The following SHFL variants were observed in gnomAD, a reference collection of about 807,000 sequenced individuals.
SHFL encodes the protein shiftless antiviral inhibitor of ribosomal frameshifting.
SHFL carries 12 observed loss-of-function variants against 34.7 expected under a neutral mutation model. The ratio of observed to expected loss-of-function variants is 0.35; its 90% CI spans 0.22 to 0.56. The LOEUF is 0.56. SHFL is among the 20% of genes least tolerant of loss of function. The probability of loss-of-function intolerance (pLI) is 0.88; values close to 1 mark genes in which losing one functional copy is unlikely to be tolerated. For synonymous variants in SHFL, 148 were observed against 156.0 expected, an observed-to-expected ratio of 0.95 and a Z score of 0.38; for missense variants, 278 against 411.1, an observed-to-expected ratio of 0.68 and a Z score of 2.80.
At chr19:10,088,624 A>C (rs2088329661) in intron 3 of SHFL, among the ~76,000 whole-genome samples, 1 of 151,608 alleles carries the variant, frequency 6.6e-6, no homozygotes, top group Non-Finnish European at 1.5e-5. Context: ...CATAGTCTAC[A>C]TTTATACATA....
rs374604374 is a variant in SHFL, at chr19:10,092,316, C to T, written c.*14C>T. On this transcript the variant is annotated 3_prime_UTR_variant, in exon 8 of 8. Transcript: ENST00000253110. ...CCCAGGGAGTGACCCCTGCCAGGTGCAGATACAAACCAGACACGGTCTGTG... is the reference window on the plus strand; with the variant it reads ...CCCAGGGAGTGACCCCTGCCAGGTGTAGATACAAACCAGACACGGTCTGTG... 2 of 1,561,520 alleles carry T rather than the reference C, an allele frequency of 1.3e-6. No homozygotes were observed. The highest frequency in any genetic ancestry group is 1.2e-5 in the South Asian group (1 of 85,964).
Position 10,092,702 on chromosome 19 carries a change from G to C in SHFL, c.*400G>C. On this transcript the variant is annotated 3_prime_UTR_variant, in exon 8 of 8. Transcript: ENST00000253110. ...TAGCGGCTTCGGTAGTGGCCGCCGT[G>C]GTGCCACACACCGTTGAGGTTGGAG... is the stretch of plus-strand genomic sequence containing the variant. 1 of 1,613,970 alleles carries C rather than the reference G, an allele frequency of 6.2e-7. No individual in the cohort carries two copies. The highest frequency in any genetic ancestry group is 8.5e-7 in the Non-Finnish European group (1 of 1,179,908).
In SHFL at chr19:10,092,522, G is replaced by T. The variant is rs2088413495; in HGVS notation, c.*220G>T. The stretch of plus-strand genomic sequence containing the variant: ...TGGCACTGAGCCACAAAGAAGGTGT[G>T]GCCAGAACAACTTGGGCTCCTGCTG... On this transcript the variant is annotated 3_prime_UTR_variant, in exon 8 of 8. Transcript: ENST00000253110. 6.5e-7 allele frequency: 1 copy of T among 1,541,352 alleles called. No individual in the cohort carries two copies. Among genetic ancestry groups the T allele is most frequent in the South Asian group, 1.2e-5 (1 of 80,286 alleles).
In SHFL at chr19:10,091,095, GTCAATA is replaced by G. The variant is rs1207541967; in HGVS notation, c.385-151_385-146del. ...CTGTGGTGTAAATATTCCCACCATG[GTCAATA>G]TCAGGCTACCCACGTGAAGTCACTG... On this transcript the variant is annotated intron_variant, in intron 5 of 7. Coordinates refer to ENST00000253110, the MANE Select transcript of SHFL (RefSeq NM_018381.4). The surrounding 1 kb of genome is among the most constrained non-coding windows in gnomAD (Gnocchi z 8.2). Among the ~76,000 whole-genome samples the G allele has an allele frequency of 6.6e-6, 1 of 152,250 alleles. No individual in the cohort carries two copies. Among genetic ancestry groups the G allele is most frequent in the East Asian group, 1.9e-4 (1 of 5,188 alleles).
intron 3 of SHFL, chr19:10,089,004 T>G: frequency 3.9e-6 from 1 of 257,384 alleles, no homozygotes; most frequent in Non-Finnish European, 7.5e-6. Flanking sequence ...TAGCAGAGAG[T>G]AGCATTCATT....
At chr19:10,089,065 C>G (rs1302172767) in intron 3 of SHFL, 1 of 516,868 alleles carries the variant, frequency 1.9e-6, no homozygotes, top group Admixed American at 3.7e-5. Context: ...TTCATCACTG[C>G]AGTGACCCCA....
chr19:10,087,196 G>C (rs2088302586), intron 2 of SHFL, 55 bp from the exon 3 acceptor site: 1 of 1,610,004 alleles, frequency 6.2e-7, no homozygotes, highest in South Asian at 1.1e-5. Context: ...TGGGTGGCCT[G>C]GAACTCCCAC....
At chr19:10,089,770 G>C in intron 4 of SHFL, 75 bp downstream of exon 4, 1 of 1,557,964 alleles carries the variant, frequency 6.4e-7, no homozygotes, top group South Asian at 1.2e-5. Flanking sequence ...ATGTCCATTA[G>C]GGCAGGAGGG....
chr19:10,092,008 C>G (rs2088400259), intron 7 of SHFL, 62 bp from the exon 8 acceptor site: 2 of 1,606,270 alleles, frequency 1.2e-6, no homozygotes, highest in Admixed American at 1.7e-5. Flanking sequence ...GCCTAAGTCC[C>G]CTCCTCCCCA....
intron 3 of SHFL, among the ~76,000 whole-genome samples, chr19:10,088,414 A>C (rs1280889704): frequency 6.6e-6 from 1 of 150,820 alleles, no homozygotes; most frequent in Non-Finnish European, 1.5e-5. Context: ...AATACGAAAA[A>C]AAAAATTAGC....
chr19:10,091,726 G>A lies in SHFL; in HGVS notation c.643+96G>A. On this transcript the variant is annotated intron_variant, in intron 7 of 7. Coordinates refer to ENST00000253110, the MANE Select transcript of SHFL (RefSeq NM_018381.4). This position sits in a 1 kb window ranked among gnomAD's most constrained non-coding sequence, Gnocchi z 8.2. ...CACTCAGTCCACTTTGTCTCCCACA[G>A]CAGCAGCCACTGCTTCCACATGGCC... The A allele has an allele frequency of 7.0e-7, 1 of 1,429,620 alleles. No individual in the cohort carries two copies. Among genetic ancestry groups the A allele is most frequent in the East Asian group, 2.5e-5 (1 of 39,540 alleles). The allele number at this position is 1,429,620 out of a possible 1,614,324, so 88.6% of individuals were successfully genotyped here.
At position 10,086,521 on chromosome 19, in the gene SHFL, G is replaced by A. The variant is rs1226956110; in HGVS notation, c.21+73G>A. 4 of 1,293,944 alleles carry A rather than the reference G, an allele frequency of 3.1e-6. No homozygotes were observed. The highest frequency in any genetic ancestry group is 4.0e-6 in the Non-Finnish European group (4 of 1,006,360). 80.2% of individuals were successfully genotyped at this position (1,293,944 alleles called of 1,614,324 possible). A position where few individuals can be genotyped will look rare whatever the true frequency, so the allele number is the denominator to read the frequency against. ...AGGAGCGGCCGGGAGGCGCGGAGGGGGCTTCGCAGTTCCTGGGGACCCCCA... is the reference window on the plus strand; with the variant it reads ...AGGAGCGGCCGGGAGGCGCGGAGGGAGCTTCGCAGTTCCTGGGGACCCCCA... On this transcript the variant is annotated intron_variant, in intron 1 of 7. Coordinates refer to ENST00000253110, the MANE Select transcript of SHFL (RefSeq NM_018381.4). The surrounding 1 kb of genome is among the most constrained non-coding windows in gnomAD (Gnocchi z 5.2).
intron 3 of SHFL, chr19:10,089,238 G>C: frequency 6.8e-7 from 1 of 1,475,882 alleles, no homozygotes; most frequent in African/African-American, 1.4e-5. Context: ...GCAGGGAGTG[G>C]CTTGCCCAAG....
At chr19:10,089,792 T>TG in intron 4 of SHFL, 97 bp downstream of exon 4, 2 of 1,556,252 alleles carry the variant, frequency 1.3e-6, no homozygotes, top group Non-Finnish European at 1.7e-6. Context: ...AGATATTCAC[T>TG]GGGGCAGGAA....
Position 10,089,472 on chromosome 19 carries a change from C to T in SHFL, c.196-185C>T, listed in dbSNP as rs186161755. Reference sequence around the variant, plus strand: ...GCAATAAGGTAACAGGTGTGCCCACCTCTCAGGGCTGCTATGAGGACAACT... The same window carrying T: ...GCAATAAGGTAACAGGTGTGCCCACTTCTCAGGGCTGCTATGAGGACAACT... On this transcript the variant is annotated intron_variant, in intron 3 of 7. Transcript: ENST00000253110. 11 of 1,442,074 alleles carry T rather than the reference C, an allele frequency of 7.6e-6. No individual in the cohort carries two copies. In the East Asian group the frequency reaches 2.6e-4, roughly 33 times the overall value. The allele number at this position is 1,442,074 out of a possible 1,614,324, so 89.3% of individuals were successfully genotyped here. A position where few individuals can be genotyped will look rare whatever the true frequency, so the allele number is the denominator to read the frequency against.
At chr19:10,089,011 C>A in intron 3 of SHFL, 1 of 292,880 alleles carries the variant, frequency 3.4e-6, no homozygotes, top group Non-Finnish European at 6.5e-6. Context: ...GAGTAGCATT[C>A]ATTGAGTACT....
At chr19:10,089,578 C>A in intron 3 of SHFL, 79 bp from the exon 4 acceptor site, 1 of 1,537,606 alleles carries the variant, frequency 6.5e-7, no homozygotes, top group Non-Finnish European at 8.8e-7. Context: ...CTCATTGCGG[C>A]CGGGGGCCTC....
rs181712115 is a variant in SHFL, at chr19:10,089,402, C to A, written c.196-255C>A. 2.4e-5 allele frequency: 38 copies of A among 1,597,822 alleles called. No homozygotes were observed. In the African/African-American group the frequency reaches 3.9e-4, roughly 16 times the overall value. ...AAGTGAGTATGGGGGTCAGGCTAGC[C>A]TCACTCAGGCAAGCCCTCCCCTAAG... is the stretch of plus-strand genomic sequence containing the variant. On this transcript the variant is annotated intron_variant, in intron 3 of 7. Transcript: ENST00000253110.
intron 3 of SHFL, chr19:10,089,222 CA>C: frequency 7.5e-7 from 1 of 1,336,704 alleles, no homozygotes; most frequent in Non-Finnish European, 1.0e-6. Flanking sequence ...AGTGGGAACC[CA>C]GGGGGCAGGG....
Sources: allele counts gnomAD v4.1 joint callset (sites outside exome capture counted in the v4.1 genomes callset), GRCh38; gene constraint gnomAD v4.1.1; non-coding constraint Gnocchi (gnomAD v3.1); transcripts MANE v1.5; gene names NCBI Gene and HGNC (gene_info 2026-07-23, HGNC 2026-07-21).